Variants in BLTP1 observed in about 807,000 individuals in gnomAD.
BLTP1 encodes fragile site-associated protein.
chr4:122,213,142 C>T, the BLTP1 span, among the ~76,000 whole-genome samples: 1 of 152,120 alleles, frequency 6.6e-6, no homozygotes, highest in African/African-American at 2.4e-5. Flanking sequence ...AAGTGATCCT[C>T]CTGCTTCAGC....
chr4:122,181,125 G>T, the BLTP1 span: 42 of 207,496 alleles, frequency 2.0e-4, no homozygotes, highest in Non-Finnish European at 3.4e-4. Flanking sequence ...ACAAAATAAA[G>T]ATTTTTGACA....
At chr4:122,258,638 G>A in the BLTP1 span, 3 of 1,547,348 alleles carry the variant, frequency 1.9e-6, no homozygotes, top group African/African-American at 2.8e-5. Flanking sequence ...GAAACATAGG[G>A]GCTGATGTTT....
chr4:122,350,501 T>C, the BLTP1 span: 4 of 535,276 alleles, frequency 7.5e-6, no homozygotes, highest in Admixed American at 2.5e-4. Flanking sequence ...ACAGGAGATC[T>C]AGTGGTGGAC....
the BLTP1 span, among the ~76,000 whole-genome samples, chr4:122,206,337 A>C: frequency 6.6e-6 from 1 of 151,964 alleles, no homozygotes; most frequent in African/African-American, 2.4e-5. Flanking sequence ...CAAGTAAAAC[A>C]AAACAAAAAA....
At chr4:122,329,734 T>A in the BLTP1 span, among the ~76,000 whole-genome samples, 1 of 151,930 alleles carries the variant, frequency 6.6e-6, no homozygotes, top group African/African-American at 2.4e-5. Flanking sequence ...AATATTTTAT[T>A]TTGGTAAGAT....
At chr4:122,289,225 T>C in the BLTP1 span, 6 of 1,438,176 alleles carry the variant, frequency 4.2e-6, no homozygotes, top group Non-Finnish European at 5.8e-6. Flanking sequence ...AGTATAGGTG[T>C]AGGTTTTTAT....
At chr4:122,269,667 T>C in the BLTP1 span, 3 of 985,190 alleles carry the variant, frequency 3.0e-6, no homozygotes, top group Non-Finnish European at 2.4e-6. Flanking sequence ...CTGCTGATTG[T>C]TGTATATTAG....
At chr4:122,298,306 T>C in the BLTP1 span, 1 of 660,034 alleles carries the variant, frequency 1.5e-6, no homozygotes, top group Non-Finnish European at 1.9e-6. Context: ...TGCACCATGC[T>C]CTTGCCTATA....
chr4:122,189,865 C>A, the BLTP1 span: 1 of 1,314,996 alleles, frequency 7.6e-7, no homozygotes, highest in Non-Finnish European at 9.8e-7. Context: ...TCTTTCTTTT[C>A]AGGATGCTAC....
the BLTP1 span, chr4:122,207,729 A>C: frequency 9.0e-7 from 1 of 1,109,346 alleles, no homozygotes; most frequent in Non-Finnish European, 1.3e-6. Flanking sequence ...TCCCCAGTCC[A>C]TTGCAACTTC....
the BLTP1 span, among the ~76,000 whole-genome samples, chr4:122,173,792 C>G: frequency 6.6e-6 from 1 of 151,658 alleles, no homozygotes; most frequent in Non-Finnish European, 1.5e-5. Flanking sequence ...AACTTTTTGA[C>G]TTTTTTTTAA....
At chr4:122,274,350 A>T in the BLTP1 span, 1 of 1,474,874 alleles carries the variant, frequency 6.8e-7, no homozygotes, top group Non-Finnish European at 9.4e-7. Flanking sequence ...AAGATGTTTT[A>T]CATCAAAAGA....
the BLTP1 span, chr4:122,200,516 G>C: frequency 1.1e-6 from 1 of 886,268 alleles, no homozygotes; most frequent in Non-Finnish European, 1.3e-6. Flanking sequence ...GGAGGCGGAG[G>C]TTGCAGTGAG....
At chr4:122,256,011 G>A in the BLTP1 span, 171 of 966,264 alleles carry the variant, frequency 1.8e-4, no homozygotes, top group Non-Finnish European at 2.0e-4. Flanking sequence ...GATGATTGAG[G>A]GGAGAATATA....
At chr4:122,321,226 G>C in the BLTP1 span, among the ~76,000 whole-genome samples, 6 of 151,890 alleles carry the variant, frequency 4.0e-5, no homozygotes. Flanking sequence ...ACCATTATGA[G>C]TCAAGGACCA....
At chr4:122,189,798 C>G in the BLTP1 span, 1 of 901,514 alleles carries the variant, frequency 1.1e-6, no homozygotes, top group Non-Finnish European at 1.3e-6. Flanking sequence ...TTAAGTCCAA[C>G]ATAGAATAAA....
the BLTP1 span, among the ~76,000 whole-genome samples, chr4:122,348,265 G>A: frequency 6.6e-6 from 1 of 152,102 alleles, no homozygotes; most frequent in Non-Finnish European, 1.5e-5. Context: ...TTGTTAAACA[G>A]AATCCTAGGG....
At chr4:122,168,438 G>A in the BLTP1 span, among the ~76,000 whole-genome samples, 1 of 152,052 alleles carries the variant, frequency 6.6e-6, no homozygotes, top group Non-Finnish European at 1.5e-5. Flanking sequence ...TGATGTGCTG[G>A]CTAGCAATCT....
At chr4:122,239,558 T>C in the BLTP1 span, 1 of 1,610,018 alleles carries the variant, frequency 6.2e-7, no homozygotes, top group Non-Finnish European at 8.5e-7. Flanking sequence ...TGTCTCCTAA[T>C]ACTCAGGATA....
Sources: allele counts gnomAD v4.1 joint callset (sites outside exome capture counted in the v4.1 genomes callset), GRCh38; gene constraint gnomAD v4.1.1; transcripts MANE v1.5; gene names NCBI Gene and HGNC (gene_info 2026-07-23, HGNC 2026-07-21).